DYNC1I1: variants seen among roughly 807,000 people sequenced by gnomAD.
DYNC1I1 encodes cytoplasmic dynein 1 intermediate chain 1.
In DYNC1I1, 43 loss-of-function variants were observed where a neutral mutation model predicts 86.6. The ratio of observed to expected loss-of-function variants is 0.50; its 90% confidence interval spans 0.39 to 0.64. DYNC1I1 has a LOEUF of 0.64. DYNC1I1 is among the 30% of genes least tolerant of loss of function. The pLI, the probability that DYNC1I1 is intolerant of heterozygous loss-of-function variation, is 0.00. For synonymous variants in DYNC1I1, 262 were observed against 283.7 expected (o/e 0.92, Z 0.77); for missense variants, 604 against 788.8 (o/e 0.77, Z 2.81).
chr7:96,023,743 A>G lies in DYNC1I1; in HGVS notation c.970-4432A>G, dbSNP rs112770082. 9.3e-3 allele frequency among the ~76,000 whole-genome samples: 1,416 copies of G among 152,216 alleles called. 16 individuals are homozygous for G. The highest frequency in any genetic ancestry group is 0.031 in the African/African-American group (1,302 of 41,538). The stretch of plus-strand genomic sequence containing the variant: ...CGTGTGCAAGTGAACATGTGGCTAT[A>G]TGGATAAGGAGGTGGTCTGTCTTTG... On this transcript the variant is annotated intron_variant, in intron 10 of 16. Transcript: ENST00000447467.
intron 10 of DYNC1I1, among the ~76,000 whole-genome samples, chr7:96,009,783 CTT>C (rs3216254): frequency 6.9e-6 from 1 of 145,028 alleles, no homozygotes; most frequent in Admixed American, 6.9e-5. Flanking sequence ...CAGATGACTT[CTT>C]TTTTTTTTTT....
chr7:95,843,012 G>A (rs1460494711), intron 5 of DYNC1I1, among the ~76,000 whole-genome samples: 1 of 152,000 alleles, frequency 6.6e-6, no homozygotes, highest in East Asian at 1.9e-4. Context: ...AGATTTTTTA[G>A]TTGGGACAGG....
intron 4 of DYNC1I1, among the ~76,000 whole-genome samples, chr7:95,825,177 C>T (rs1014264606): frequency 6.6e-6 from 1 of 152,196 alleles, no homozygotes; most frequent in Non-Finnish European, 1.5e-5. Context: ...CGAGTAAATG[C>T]AAACTCCCCA....
intron 1 of DYNC1I1, 112 bp from the exon 2 acceptor site, chr7:95,804,609 G>A (rs1046169207): frequency 3.3e-6 from 4 of 1,194,830 alleles, no homozygotes; most frequent in Admixed American, 5.9e-5. Flanking sequence ...ACCTCTTGTT[G>A]ATCATCCAAA....
intron 6 of DYNC1I1, among the ~76,000 whole-genome samples, chr7:95,899,908 A>G (rs1790991883): frequency 6.6e-6 from 1 of 152,094 alleles, no homozygotes; most frequent in South Asian, 2.1e-4. Context: ...TTGCCTTCTT[A>G]TTCCCCAAAG....
intron 16 of DYNC1I1, among the ~76,000 whole-genome samples, chr7:96,085,501 T>C (rs1232500632): frequency 1.3e-5 from 2 of 152,138 alleles, no homozygotes; most frequent in Admixed American, 1.3e-4. Flanking sequence ...TAGCACACAT[T>C]TTTGGTTGTT....
chr7:95,943,702 C>T (rs1205427819), intron 6 of DYNC1I1, among the ~76,000 whole-genome samples: 1 of 150,900 alleles, frequency 6.6e-6, no homozygotes, highest in African/African-American at 2.4e-5. Flanking sequence ...CAGAACGGAG[C>T]CCTCAGAAAT....
At chr7:95,792,583 C>T (rs546333645) in intron 1 of DYNC1I1, among the ~76,000 whole-genome samples, 5 of 152,296 alleles carry the variant, frequency 3.3e-5, no homozygotes, top group South Asian at 2.1e-4. Context: ...AAGCCTACTA[C>T]GAAAGCATTC....
At chr7:96,067,325 AT>A (rs113077595) in intron 14 of DYNC1I1, among the ~76,000 whole-genome samples, 4 of 150,108 alleles carry the variant, frequency 2.7e-5, no homozygotes, top group African/African-American at 9.8e-5. Context: ...TGTCTGACTT[AT>A]TTTTTTTTCT....
intron 4 of DYNC1I1, among the ~76,000 whole-genome samples, chr7:95,825,330 G>T (rs952618971): frequency 2.0e-5 from 3 of 152,096 alleles, no homozygotes; most frequent in African/African-American, 7.2e-5. Context: ...AAGTGGAAAA[G>T]GTCACTAAAA....
rs147081152 is a variant in DYNC1I1 at position 95,858,768 on chromosome 7, T to G, written c.375-11115T>G. Among the ~76,000 whole-genome samples, 696 of 151,646 alleles carry G rather than the reference T, an allele frequency of 4.6e-3. 2 individuals carry two copies. The highest frequency in any genetic ancestry group is 8.1e-3 in the Non-Finnish European group (548 of 67,884). On this transcript the variant is annotated intron_variant, in intron 5 of 16. Transcript: ENST00000447467. Reference sequence around the variant, plus strand: ...ATGATAGTATGTCTTTAAATAAGCTTTCTACCCTTTTATCTTTTTTACTCC... The same window carrying G: ...ATGATAGTATGTCTTTAAATAAGCTGTCTACCCTTTTATCTTTTTTACTCC...
chr7:95,813,592 C>A (rs1794881960), intron 4 of DYNC1I1, among the ~76,000 whole-genome samples: 1 of 152,056 alleles, frequency 6.6e-6, no homozygotes, highest in Admixed American at 6.6e-5. Context: ...AACAAACACA[C>A]ACATATCCAT....
chr7:95,793,501 G>A (rs1426898367), intron 1 of DYNC1I1, among the ~76,000 whole-genome samples: 1 of 152,098 alleles, frequency 6.6e-6, no homozygotes, highest in East Asian at 1.9e-4. Context: ...TATAGGTCTA[G>A]GTGATGTTGC....
chr7:95,854,192 CT>C (rs1789656017), intron 5 of DYNC1I1, among the ~76,000 whole-genome samples: 1 of 151,888 alleles, frequency 6.6e-6, no homozygotes, highest in African/African-American at 2.4e-5. Context: ...TTATTTTTTA[CT>C]TGTTTTGTAG....
intron 4 of DYNC1I1, among the ~76,000 whole-genome samples, chr7:95,820,899 A>G (rs1380166160): frequency 6.6e-6 from 1 of 152,230 alleles, no homozygotes; most frequent in Non-Finnish European, 1.5e-5. Context: ...TTTTTATTAG[A>G]TAAGATATGC....
chr7:95,823,595 G>C (rs1157791057), intron 4 of DYNC1I1, among the ~76,000 whole-genome samples: 7 of 151,970 alleles, frequency 4.6e-5, no homozygotes, highest in Non-Finnish European at 5.9e-5. Flanking sequence ...ATGTCCCTCA[G>C]CATACATGTG....
At chr7:95,889,278 A>G (rs1254062429) in intron 6 of DYNC1I1, among the ~76,000 whole-genome samples, 1 of 152,194 alleles carries the variant, frequency 6.6e-6, no homozygotes, top group Non-Finnish European at 1.5e-5. Context: ...GTGATTACTC[A>G]CGTTTTTAAA....
At chr7:95,784,785 TCTGTAAACAG>T (rs1305744081) in intron 1 of DYNC1I1, among the ~76,000 whole-genome samples, 1 of 152,238 alleles carries the variant, frequency 6.6e-6, no homozygotes, top group Non-Finnish European at 1.5e-5. Flanking sequence ...GTGAACATTG[TCTGTAAACAG>T]ACTTATCAGT....
chr7:96,097,437 A>G lies in DYNC1I1; in HGVS notation c.1777-46A>G, dbSNP rs111289552. On this transcript the variant is annotated intron_variant, in intron 16 of 16. Coordinates refer to ENST00000447467, the MANE Select transcript of DYNC1I1 (RefSeq NM_001135556.2). ...CATTCAGGCTTCAAGGCTTTCAGAC[A>G]TGAAAGATATCTTGTTCATCATTTC... is the stretch of plus-strand genomic sequence containing the variant. The G allele has an allele frequency of 2.5e-6, 4 of 1,604,090 alleles. 1 individual carries two copies. The South Asian group carries it at 3.3e-5, about 13-fold the overall frequency.
Sources: gnomAD v4.1 joint callset for allele counts (sites outside exome capture counted in the v4.1 genomes callset) on GRCh38, gnomAD v4.1.1 for gene constraint, MANE v1.5 for transcripts, NCBI Gene and HGNC (gene_info 2026-07-23, HGNC 2026-07-21) for gene names.